DYNC1I1: variants seen among roughly 807,000 people sequenced by gnomAD.
The protein encoded by DYNC1I1 is cytoplasmic dynein 1 intermediate chain 1.
DYNC1I1 carries 43 observed loss-of-function variants against 86.6 expected under a neutral mutation model. That is an observed-to-expected ratio of 0.50 (90% CI 0.39 to 0.64). The LOEUF is 0.64. Ranked by LOEUF, DYNC1I1 falls within the 30% of genes least tolerant of loss-of-function variation. The pLI is 0.00. For missense variants in DYNC1I1, 604 were observed against 788.8 expected (o/e 0.77, Z 2.81); for synonymous variants, 262 against 283.7 (o/e 0.92, Z 0.77).
chr7:95,854,688 C>T (rs1414209583), intron 5 of DYNC1I1, among the ~76,000 whole-genome samples: 1 of 152,100 alleles, frequency 6.6e-6, no homozygotes, highest in Non-Finnish European at 1.5e-5. Context: ...AAAGATTTAA[C>T]ACAAATTAAA....
intron 6 of DYNC1I1, among the ~76,000 whole-genome samples, chr7:95,910,021 T>G (rs551879502): frequency 2.8e-4 from 42 of 152,332 alleles, no homozygotes; most frequent in Admixed American, 6.5e-4. Flanking sequence ...GCCCCACTGT[T>G]AGGCCACTGC....
At chr7:96,036,054 A>C (rs1241630282) in intron 13 of DYNC1I1, among the ~76,000 whole-genome samples, 1 of 152,164 alleles carries the variant, frequency 6.6e-6, no homozygotes, top group Non-Finnish European at 1.5e-5. Flanking sequence ...TGCCCATCAG[A>C]GATAACAATC....
intron 16 of DYNC1I1, among the ~76,000 whole-genome samples, chr7:96,087,082 A>T (rs1405411795): frequency 2.1e-5 from 1 of 47,314 alleles, no homozygotes; most frequent in Non-Finnish European, 5.3e-5. Context: ...TACAATGATG[A>T]TTTTTAAGGG....
chr7:95,823,226 T>G (rs1795118970), intron 4 of DYNC1I1, among the ~76,000 whole-genome samples: 1 of 152,014 alleles, frequency 6.6e-6, no homozygotes, highest in African/African-American at 2.4e-5. Context: ...TAGGCCCAAA[T>G]CCTATCCCCT....
chr7:95,881,688 A>T (rs1790458958), intron 6 of DYNC1I1, among the ~76,000 whole-genome samples: 1 of 152,228 alleles, frequency 6.6e-6, no homozygotes, highest in African/African-American at 2.4e-5. Flanking sequence ...TTTTCTGGTA[A>T]TGGGAAATAA....
chr7:95,853,372 TCTTG>T (rs770921542), intron 5 of DYNC1I1, among the ~76,000 whole-genome samples: 126 of 152,318 alleles, frequency 8.3e-4, no homozygotes, highest in Non-Finnish European at 1.5e-3. Context: ...CTTACCCTCT[TCTTG>T]CCCGTCTACC....
At chr7:96,102,541 G>A (rs1791150980), downstream of DYNC1I1, among the ~76,000 whole-genome samples, 1 of 152,158 alleles carries the variant, frequency 6.6e-6, no homozygotes, top group African/African-American at 2.4e-5. Context: ...CACCTGGTAA[G>A]CCTCTTTGGT....
chr7:95,939,461 C>T (rs1792139642), intron 6 of DYNC1I1, among the ~76,000 whole-genome samples: 1 of 152,004 alleles, frequency 6.6e-6, no homozygotes, highest in Non-Finnish European at 1.5e-5. Flanking sequence ...TCAGGACTTG[C>T]TTTATCAATC....
At chr7:96,097,347 GT>G (rs774798867) in intron 16 of DYNC1I1, 135 bp from the exon 17 acceptor site, 12 of 951,566 alleles carry the variant, frequency 1.3e-5, no homozygotes, top group Non-Finnish European at 1.9e-5. Context: ...AAAGAAGAAT[GT>G]TTGATTTCCT....
chr7:95,934,775 T>C (rs1791993189), intron 6 of DYNC1I1, among the ~76,000 whole-genome samples: 1 of 152,082 alleles, frequency 6.6e-6, no homozygotes, highest in Non-Finnish European at 1.5e-5. Context: ...TGCTATCTCA[T>C]ACTATCACTT....
intron 6 of DYNC1I1, among the ~76,000 whole-genome samples, chr7:95,933,324 C>G (rs11768375): frequency 6.6e-6 from 1 of 152,134 alleles, no homozygotes; most frequent in Admixed American, 6.5e-5. Context: ...AATCCACAGC[C>G]GGTTTGAGAT....
intron 14 of DYNC1I1, among the ~76,000 whole-genome samples, chr7:96,065,057 G>A (rs1424033692): frequency 6.6e-6 from 1 of 152,144 alleles, no homozygotes; most frequent in African/African-American, 2.4e-5. Flanking sequence ...GGGTTAGCTT[G>A]CAAACCACTT....
intron 4 of DYNC1I1, among the ~76,000 whole-genome samples, chr7:95,816,863 T>C (rs1282086980): frequency 1.3e-5 from 2 of 152,212 alleles, no homozygotes; most frequent in Non-Finnish European, 2.9e-5. Context: ...AAACACTTAT[T>C]CCTATATTTT....
At chr7:95,809,011 A>G (rs1794766467) in intron 2 of DYNC1I1, among the ~76,000 whole-genome samples, 1 of 152,194 alleles carries the variant, frequency 6.6e-6, no homozygotes, top group Admixed American at 6.6e-5. Context: ...GAACTTTGAT[A>G]TCTTCACTGA....
rs149137864 is a variant in DYNC1I1 at position 95,908,407 on chromosome 7, G to A, written c.490+38409G>A. Among the ~76,000 whole-genome samples the A allele has an allele frequency of 1.8e-3, 281 of 152,160 alleles. 2 individuals carry two copies. Among genetic ancestry groups the A allele is most frequent in the African/African-American group, 6.6e-3 (274 of 41,488 alleles). On this transcript the variant is annotated intron_variant, in intron 6 of 16. Coordinates refer to ENST00000447467, the MANE Select transcript of DYNC1I1 (RefSeq NM_001135556.2). ...CAAAGATTTAAAAAAACACTGGTAG[G>A]CACTATTGATGAGACCATGAAAAGA...
chr7:96,109,265 A>C lies in DYNC1I1; in HGVS notation c.1543-714A>C, dbSNP rs539494746. Among the ~76,000 whole-genome samples, 3 of 151,318 alleles carry C rather than the reference A, an allele frequency of 2.0e-5. No homozygotes were observed. The East Asian group carries it at 5.8e-4, about 29-fold the overall frequency. ...TTTAGGGTACGTATACACAATGTGCAGGTTTGTTACATATGTATACATGTG... is the reference window on the plus strand; with the variant it reads ...TTTAGGGTACGTATACACAATGTGCCGGTTTGTTACATATGTATACATGTG... On this transcript the variant is annotated intron_variant, in intron 16 of 16. Coordinates refer to the DYNC1I1 transcript ENST00000537881.
At position 95,949,177 on chromosome 7, in the gene DYNC1I1, C is replaced by T. The variant is rs188168325; in HGVS notation, c.491-28335C>T. ...CGAATGTAGATCAAATTAAGGTCAA[C>T]AAAAAGGAGAGTGTGGGCAAGGTTA... On this transcript the variant is annotated intron_variant, in intron 6 of 16. Coordinates refer to ENST00000447467, the MANE Select transcript of DYNC1I1 (RefSeq NM_001135556.2). 1.9e-3 allele frequency among the ~76,000 whole-genome samples: 287 copies of T among 152,208 alleles called. 5 individuals are homozygous for T. Among genetic ancestry groups the T allele is most frequent in the Middle Eastern group, 3.4e-3 (1 of 294 alleles).
At chr7:95,868,826 A>G (rs1317082357) in intron 5 of DYNC1I1, among the ~76,000 whole-genome samples, 1 of 152,190 alleles carries the variant, frequency 6.6e-6, no homozygotes, top group Non-Finnish European at 1.5e-5. Context: ...AAGCTGAGGC[A>G]CAGAGAGATT....
rs757363632 is a variant in DYNC1I1 at position 95,810,516 on chromosome 7, A to T, written c.223+10A>T. 14 of 1,607,894 alleles carry T rather than the reference A, an allele frequency of 8.7e-6. No homozygotes were observed. The Admixed American group carries it at 1.2e-4, about 14-fold the overall frequency. On this transcript the variant is annotated intron_variant, in intron 3 of 16. Coordinates refer to ENST00000447467, the MANE Select transcript of DYNC1I1 (RefSeq NM_001135556.2). The stretch of plus-strand genomic sequence containing the variant: ...CCGGAGCCGCCTCTAGGTACTTAAA[A>T]GTGCTTCCTGTTACTATTCCTCAAA...
Sources: gnomAD v4.1 joint callset for allele counts (sites outside exome capture counted in the v4.1 genomes callset) on GRCh38, gnomAD v4.1.1 for gene constraint, MANE v1.5 for transcripts, NCBI Gene and HGNC (gene_info 2026-07-23, HGNC 2026-07-21) for gene names.